The following NTSR1 variants were observed in gnomAD, a reference collection of about 807,000 sequenced individuals.
The protein encoded by NTSR1 is neurotensin receptor type 1.
NTSR1 carries 29 observed loss-of-function variants against 31.2 expected under a neutral mutation model. That is an observed-to-expected ratio of 0.93 (90% CI 0.69 to 1.27). The LOEUF (loss-of-function observed/expected upper bound fraction) is 1.27, where lower values mean the gene tolerates loss of function less well. Ranked by LOEUF, NTSR1 falls within the 50% of genes most tolerant of loss-of-function variation. The pLI, the probability that NTSR1 is intolerant of heterozygous loss-of-function variation, is 0.00. For missense variants in NTSR1, 697 were observed against 595.4 expected, an observed-to-expected ratio of 1.17 and a Z score of -1.78; for synonymous variants, 282 against 269.9, an observed-to-expected ratio of 1.04 and a Z score of -0.44.
At position 62,711,460 on chromosome 20, in the gene NTSR1, C is replaced by T. The variant is rs900618179; in HGVS notation, c.714+1539C>T. Reference sequence around the variant, plus strand: ...AGTCCGCGTGGAGGGGCCCCAGGGGCGACAGCCACTCAGTCCTTCAGAAGG... The same window carrying T: ...AGTCCGCGTGGAGGGGCCCCAGGGGTGACAGCCACTCAGTCCTTCAGAAGG... On this transcript the variant is annotated intron_variant, in intron 1 of 3. Transcript: ENST00000370501. This position sits in a 1 kb window ranked among gnomAD's most constrained non-coding sequence, Gnocchi z 6.4. 2.0e-5 allele frequency among the ~76,000 whole-genome samples: 3 copies of T among 152,054 alleles called. No homozygotes were observed. Among genetic ancestry groups the T allele is most frequent in the Non-Finnish European group, 4.4e-5 (3 of 67,962 alleles).
At chr20:62,713,353 G>A (rs976233902) in intron 1 of NTSR1, among the ~76,000 whole-genome samples, 3 of 152,298 alleles carry the variant, frequency 2.0e-5, no homozygotes, top group African/African-American at 4.8e-5. Flanking sequence ...TGCAGGAGGC[G>A]CTGGTGTCCT....
intron 1 of NTSR1, among the ~76,000 whole-genome samples, chr20:62,746,456 C>T (rs1214096273): frequency 1.3e-5 from 2 of 152,134 alleles, no homozygotes; most frequent in South Asian, 2.1e-4. Context: ...AGACCTCTGA[C>T]GGCAGGGGCT....
At position 62,760,079 on chromosome 20, in the gene NTSR1, T is replaced by C. The variant is rs1989588799; in HGVS notation, c.1069T>C (p.Ser357Pro). 1.2e-6 allele frequency: 2 copies of C among 1,614,074 alleles called. No individual in the cohort carries two copies. The highest frequency in any genetic ancestry group is 2.7e-5 in the African/African-American group (2 of 75,018). The change falls in exon 4 of 4, where the codon TCC becomes CCC. Residue 357 changes from serine to proline, a missense_variant. Ser to Pro is a moderately conservative substitution (Grantham distance 74). Transcript: ENST00000370501. ...GACCAACGCACTCTTCTACGTCAGC[T>C]CCACCATCAACCCCATCCTGTACAA... ...MVTNALFYVS[S>P]TINPILYNLV...
intron 1 of NTSR1, among the ~76,000 whole-genome samples, chr20:62,725,699 C>T (rs1988894493): frequency 6.6e-6 from 1 of 152,162 alleles, no homozygotes. Context: ...TTCAGGTGGG[C>T]ACAGACGCCG....
Position 62,709,367 on chromosome 20 carries a change from C to G in NTSR1, c.160C>G (p.Leu54Val), listed in dbSNP as rs774784734. Reference protein sequence around the residue: ...ERVLAAPSSELDVNTDIYSKV... With the variant: ...ERVLAAPSSEVDVNTDIYSKV... ...CGTCCTGGCGGCACCCAGCAGCGAG[C>G]TGGACGTGAACACCGACATCTACTC... The change falls in exon 1 of 4, where the codon CTG becomes GTG. Residue 54 changes from leucine (L) to valine (V), a missense_variant. Physicochemically the swap from Leu to Val is conservative, Grantham distance 32 (BLOSUM62 1). Transcript: ENST00000370501. 13 of 1,609,206 alleles carry G rather than the reference C, an allele frequency of 8.1e-6. No individual in the cohort carries two copies. The highest frequency in any genetic ancestry group is 1.6e-4 in the Middle Eastern group (1 of 6,072).
At chr20:62,736,816 GC>G (rs1264127141) in intron 1 of NTSR1, among the ~76,000 whole-genome samples, 4 of 152,256 alleles carry the variant, frequency 2.6e-5, no homozygotes, top group African/African-American at 9.6e-5. Flanking sequence ...TCCCCATAAT[GC>G]CCCGTGTCAA....
At position 62,727,193 on chromosome 20, in the gene NTSR1, C is replaced by T. The variant is rs548331599; in HGVS notation, c.714+17272C>T. ...CCCACACAGGAGCCCGTGAGGGCTC[C>T]GCACTGCCCCCACCCTGAGCCGGGC... On this transcript the variant is annotated intron_variant, in intron 1 of 3. Transcript: ENST00000370501. Among the ~76,000 whole-genome samples the T allele has an allele frequency of 7.2e-5, 11 of 152,298 alleles. No homozygotes were observed. The East Asian group carries it at 1.3e-3, about 19-fold the overall frequency.
intron 1 of NTSR1, among the ~76,000 whole-genome samples, chr20:62,719,005 A>G (rs1468492682): frequency 6.6e-6 from 1 of 152,058 alleles, no homozygotes; most frequent in Non-Finnish European, 1.5e-5. Context: ...GTCACTCTGC[A>G]TCCTGGCCAG....
In NTSR1 at chr20:62,709,179, G is replaced by A. The variant is rs1988536847; in HGVS notation, c.-29G>A. On this transcript the variant is annotated 5_prime_UTR_variant, in exon 1 of 4. Transcript: ENST00000370501. ...CCGGACTTCCAGCCCCGGAGGCGCC[G>A]GACAGAGCCGCGGACTCCAGCGCCC... 7.2e-7 allele frequency: 1 copy of A among 1,390,586 alleles called. No homozygotes were observed. The highest frequency in any genetic ancestry group is 1.6e-5 in the South Asian group (1 of 62,380). The allele number at this position is 1,390,586 out of a possible 1,614,324, so 86.1% of individuals were successfully genotyped here. A position where few individuals can be genotyped will look rare whatever the true frequency, so the allele number is the denominator to read the frequency against.
rs1437820351 is a variant in NTSR1 at position 62,711,464 on chromosome 20, A to C, written c.714+1543A>C. 1.3e-5 allele frequency among the ~76,000 whole-genome samples: 2 copies of C among 151,962 alleles called. No individual in the cohort carries two copies. Among genetic ancestry groups the C allele is most frequent in the South Asian group, 4.2e-4 (2 of 4,816 alleles). On this transcript the variant is annotated intron_variant, in intron 1 of 3. Transcript: ENST00000370501. This position sits in a 1 kb window ranked among gnomAD's most constrained non-coding sequence, Gnocchi z 6.4. ...CGCGTGGAGGGGCCCCAGGGGCGAC[A>C]GCCACTCAGTCCTTCAGAAGGTGGG... is the stretch of plus-strand genomic sequence containing the variant.
intron 1 of NTSR1, among the ~76,000 whole-genome samples, chr20:62,725,378 C>G (rs983456168): frequency 6.6e-6 from 1 of 152,250 alleles, no homozygotes; most frequent in Non-Finnish European, 1.5e-5. Context: ...TGAGGCCATG[C>G]GAGACACAGT....
rs113873708 is a variant in NTSR1 at position 62,714,162 on chromosome 20, C to T, written c.714+4241C>T. On this transcript the variant is annotated intron_variant, in intron 1 of 3. Transcript: ENST00000370501. The surrounding 1 kb of genome is among the most constrained non-coding windows in gnomAD (Gnocchi z 4.1). The stretch of plus-strand genomic sequence containing the variant: ...AACAGCCTGCTCCACTCTGACCTCC[C>T]GTGAGGACGGGAAGGGGACCCACGC... Among the ~76,000 whole-genome samples, 1,829 of 152,302 alleles carry T rather than the reference C, an allele frequency of 0.012. 37 individuals carry two copies. Among genetic ancestry groups the T allele is most frequent in the African/African-American group, 0.042 (1,746 of 41,550 alleles).
chr20:62,724,779 C>T (rs2147135685), intron 1 of NTSR1, among the ~76,000 whole-genome samples: 1 of 152,308 alleles, frequency 6.6e-6, no homozygotes, highest in East Asian at 1.9e-4. Flanking sequence ...CGCGGAGGCT[C>T]TAGGGAAGGA....
chr20:62,720,134 T>C (rs2147134001), intron 1 of NTSR1, among the ~76,000 whole-genome samples: 2 of 152,294 alleles, frequency 1.3e-5, no homozygotes, highest in Middle Eastern at 3.4e-3. Flanking sequence ...ACCCTGTCTC[T>C]ACTAAAAATA....
intron 1 of NTSR1, among the ~76,000 whole-genome samples, chr20:62,731,428 T>TCC (rs1349844642): frequency 6.6e-6 from 1 of 151,968 alleles, no homozygotes; most frequent in South Asian, 2.1e-4. Context: ...TTCATTTTTT[T>TCC]TGTGGATTAT....
chr20:62,725,283 C>G (rs1032499608), intron 1 of NTSR1, among the ~76,000 whole-genome samples: 1 of 152,252 alleles, frequency 6.6e-6, no homozygotes, highest in African/African-American at 2.4e-5. Flanking sequence ...TTCTGGCCTC[C>G]CTGCAAGGGG....
intron 1 of NTSR1, among the ~76,000 whole-genome samples, chr20:62,726,507 G>A (rs921037288): frequency 2.0e-5 from 3 of 152,146 alleles, no homozygotes; most frequent in African/African-American, 7.2e-5. Flanking sequence ...GTCCCCAGGA[G>A]AATCAGCCAT....
intron 1 of NTSR1, among the ~76,000 whole-genome samples, chr20:62,710,428 T>C (rs1430282178): frequency 1.3e-5 from 2 of 152,066 alleles, no homozygotes; most frequent in East Asian, 3.9e-4. Context: ...CCCATCTGTG[T>C]GATGGGGTAG....
rs200758487 is a variant in NTSR1 at position 62,741,377 on chromosome 20, AGAG to A, written c.715-13304_715-13302del. Among the ~76,000 whole-genome samples, 1,027 of 140,662 alleles carry A rather than the reference AGAG, an allele frequency of 7.3e-3. 63 individuals are homozygous for A. Among genetic ancestry groups the A allele is most frequent in the South Asian group, 0.07 (318 of 4,514 alleles). The allele number at this position is 140,662 out of a possible 152,430, so 92.3% of individuals were successfully genotyped here. ...CACTCAGGGCTCCCTGCTGCCTGGAAGAGGAGAGGAGGGCAAACCTCTTGCAGA... is the reference window on the plus strand; with the variant it reads ...CACTCAGGGCTCCCTGCTGCCTGGAAGAGAGGAGGGCAAACCTCTTGCAGA... On this transcript the variant is annotated intron_variant, in intron 1 of 3. Transcript: ENST00000370501. The surrounding 1 kb of genome is among the most constrained non-coding windows in gnomAD (Gnocchi z 4.3).
Sources: gnomAD v4.1 joint callset for allele counts (sites outside exome capture counted in the v4.1 genomes callset) on GRCh38, gnomAD v4.1.1 for gene constraint, Gnocchi (gnomAD v3.1) non-coding constraint, MANE v1.5 for transcripts, NCBI Gene and HGNC (gene_info 2026-07-23, HGNC 2026-07-21) for gene names.